ZNF268: variants seen among roughly 807,000 people sequenced by gnomAD.
The protein encoded by ZNF268 is zinc finger protein 3.
Under a neutral mutation model 29.3 loss-of-function variants are expected in ZNF268, and 20 were observed. The observed-to-expected ratio is 0.68, with a 90% CI of 0.48 to 0.99. The LOEUF (loss-of-function observed/expected upper bound fraction) is 0.99, where lower values mean the gene tolerates loss of function less well. Ranked by LOEUF, ZNF268 falls within the 50% of genes least tolerant of loss-of-function variation. The pLI, the probability that ZNF268 is intolerant of heterozygous loss-of-function variation, is 0.00. For missense variants in ZNF268, 1,240 were observed against 1,121.6 expected, an observed-to-expected ratio of 1.11 and a Z score of -1.51; for synonymous variants, 429 against 376.9, an observed-to-expected ratio of 1.14 and a Z score of -1.60.
Position 133,207,074 on chromosome 12 carries a change from CTTATTAT to C in ZNF268, c.*2548_*2554del, listed in dbSNP as rs759369767. The C allele has an allele frequency of 6.6e-6, 1 of 152,106 alleles. No individual in the cohort carries two copies. Among genetic ancestry groups the C allele is most frequent in the Admixed American group, 6.6e-5 (1 of 15,264 alleles). The allele number at this position is 152,106 out of a possible 1,614,324, so 9.4% of individuals were successfully genotyped here. A position where few individuals can be genotyped will look rare whatever the true frequency, so the allele number is the denominator to read the frequency against. ...GGGAAAGAATAATACTTGATTAGGA[CTTATTAT>C]TTAATGAAATGAAAATTTTACAAAA... On this transcript the variant is annotated 3_prime_UTR_variant, in exon 6 of 6. Transcript: ENST00000536435.
At chr12:133,194,803 G>A (rs1050547843) in intron 5 of ZNF268, among the ~76,000 whole-genome samples, 2 of 152,202 alleles carry the variant, frequency 1.3e-5, no homozygotes, top group African/African-American at 4.8e-5. Context: ...AAGAACCACT[G>A]GGTAAGCAGC....
intron 3 of ZNF268, among the ~76,000 whole-genome samples, chr12:133,190,439 C>T (rs867887529): frequency 6.6e-6 from 1 of 152,224 alleles, no homozygotes; most frequent in African/African-American, 2.4e-5. Flanking sequence ...GTTCCTATTG[C>T]TCCACATCCT....
intron 5 of ZNF268, chr12:133,193,370 G>A: frequency 1.8e-6 from 1 of 569,456 alleles, no homozygotes; most frequent in East Asian, 2.9e-5. Flanking sequence ...TTGTGTTGCT[G>A]TAATAAAATA....
At chr12:133,183,397 G>A (rs2135480237) in intron 2 of ZNF268, among the ~76,000 whole-genome samples, 1 of 152,024 alleles carries the variant, frequency 6.6e-6, no homozygotes, top group East Asian at 1.9e-4. Flanking sequence ...TTACTCGGGA[G>A]GCTGAGACAG....
rs1360032211 is a variant in ZNF268, at chr12:133,204,135, T to C, written c.2449T>C (p.Phe817Leu). ...PYECNECGKAFIWKSLLIVHE... is the reference protein window; with the variant it reads ...PYECNECGKALIWKSLLIVHE... The stretch of plus-strand genomic sequence containing the variant: ...TGAATGTAATGAATGTGGGAAAGCC[T>C]TCATTTGGAAATCACTACTCATTGT... Residue 817 changes from phenylalanine to leucine, a missense_variant, in exon 6 of 6, where the codon TTC becomes CTC. Transcript: ENST00000536435. The C allele has an allele frequency of 9.7e-6, 15 of 1,543,840 alleles. No individual in the cohort carries two copies. The East Asian group carries it at 3.2e-4, about 33-fold the overall frequency.
chr12:133,182,023 C>G lies in ZNF268; in HGVS notation c.26C>G (p.Ser9Cys), dbSNP rs1424987197. 1.3e-6 allele frequency: 2 copies of G among 1,563,904 alleles called. No individual in the cohort carries two copies. The highest frequency in any genetic ancestry group is 2.7e-5 in the African/African-American group (2 of 73,614). Residue 9 changes from serine to cysteine, a missense_variant, in exon 2 of 6, where the codon TCT becomes TGT. Physicochemically the swap from Ser to Cys is moderately radical, Grantham distance 112. This residue lies in a region of ZNF268 where 51 missense variants were observed against 51.4 expected (regional missense o/e 0.99). Coordinates refer to ENST00000536435, the MANE Select transcript of ZNF268 (RefSeq NM_003415.3). MATRVRTA[S>C]IWVPPLQERN... ...ATGGCCACCAGGGTCCGGACAGCTT[C>G]TATTTGGGTGAGTAGGGGTTTTCTT...
Position 133,203,953 on chromosome 12 carries a change from A to G in ZNF268, c.2267A>G (p.Glu756Gly). The G allele has an allele frequency of 6.3e-7, 1 of 1,594,460 alleles. No individual in the cohort carries two copies. Among genetic ancestry groups the G allele is most frequent in the Middle Eastern group, 1.7e-4 (1 of 6,046 alleles). Residue 756 changes from glutamate to glycine, a missense_variant, in exon 6 of 6, where the codon GAA becomes GGA. Physicochemically the swap from Glu to Gly is moderately conservative, Grantham distance 98 (BLOSUM62 -2). Transcript: ENST00000536435. ...HTGENPYECS[E>G]CGKAFNRKDQ... ...GGAGAAAATCCCTATGAATGCAGTG[A>G]ATGTGGGAAAGCCTTTAATAGGAAA...
rs376536420 is a variant in ZNF268 at position 133,191,497 on chromosome 12, G to C, written c.243G>C (p.Leu81Phe). ...QPKITKSWGP[L>F]SFMDVFVDFT... is the part of the protein sequence containing the mutation. The stretch of plus-strand genomic sequence containing the variant: ...AGCATATTGTATTTCAGGGACCTTT[G>C]TCATTCATGGATGTGTTTGTGGATT... The change falls in exon 4 of 6, where the codon TTG becomes TTC. Residue 81 changes from leucine (L) to phenylalanine (F), a missense_variant. By Grantham distance (22) the Leu-to-Phe change is conservative. Transcript: ENST00000536435. The C allele has an allele frequency of 1.9e-6, 3 of 1,613,810 alleles. No individual in the cohort carries two copies. Among genetic ancestry groups the C allele is most frequent in the Non-Finnish European group, 2.5e-6 (3 of 1,179,900 alleles).
chr12:133,197,784 G>T (rs930170710), intron 5 of ZNF268, among the ~76,000 whole-genome samples: 1 of 152,032 alleles, frequency 6.6e-6, no homozygotes, highest in African/African-American at 2.4e-5. Flanking sequence ...TTCTCTGATG[G>T]CCAGTGATGA....
At chr12:133,200,084 T>C (rs1407038479) in intron 5 of ZNF268, among the ~76,000 whole-genome samples, 3 of 152,166 alleles carry the variant, frequency 2.0e-5, no homozygotes, top group Non-Finnish European at 4.4e-5. Flanking sequence ...TGAATGTGTT[T>C]GCTCTTGCTT....
chr12:133,190,405 C>A (rs1956435754), intron 3 of ZNF268, among the ~76,000 whole-genome samples: 1 of 152,200 alleles, frequency 6.6e-6, no homozygotes, highest in Non-Finnish European at 1.5e-5. Context: ...TACCACTTTT[C>A]ATTCCCACCA....
intron 5 of ZNF268, chr12:133,193,607 A>T (rs572952757): frequency 3.7e-6 from 2 of 542,332 alleles, no homozygotes; most frequent in South Asian, 4.9e-5. Flanking sequence ...TTTAGAAACG[A>T]CTAATCCATT....
chr12:133,182,556 C>T (rs1956204186), intron 2 of ZNF268, among the ~76,000 whole-genome samples: 1 of 152,192 alleles, frequency 6.6e-6, no homozygotes, highest in African/African-American at 2.4e-5. Context: ...TGGAAATACA[C>T]GGAGACATGC....
rs1373555335 is a variant in ZNF268 at position 133,203,055 on chromosome 12, T to G, written c.1369T>G (p.Ser457Ala). Reference protein sequence around the residue: ...SDCGKAFTFKSQLIVHQGIHT... With the variant: ...SDCGKAFTFKAQLIVHQGIHT... ...TTGTGGAAAAGCCTTTACATTCAAG[T>G]CACAGCTCATTGTACATCAGGGGAT... Residue 457 changes from serine to alanine, a missense_variant, in exon 6 of 6, where the codon TCA becomes GCA. By Grantham distance (99) the Ser-to-Ala change is moderately conservative. Transcript: ENST00000536435. The G allele has an allele frequency of 6.5e-7, 1 of 1,538,830 alleles. No homozygotes were observed. The highest frequency in any genetic ancestry group is 8.7e-7 in the Non-Finnish European group (1 of 1,147,464).
rs1253249456 is a variant in ZNF268, at chr12:133,208,138, G to A, written c.*3608G>A. On this transcript the variant is annotated 3_prime_UTR_variant, in exon 6 of 6. Coordinates refer to ENST00000536435, the MANE Select transcript of ZNF268 (RefSeq NM_003415.3). ...GAGGCTGGAGGATTGCTGGAACCCAGGAGTTCGAGACAAGCCTGACCAATA... is the reference window on the plus strand; with the variant it reads ...GAGGCTGGAGGATTGCTGGAACCCAAGAGTTCGAGACAAGCCTGACCAATA... 6.6e-6 allele frequency: 1 copy of A among 152,140 alleles called. No individual in the cohort carries two copies. The highest frequency in any genetic ancestry group is 1.5e-5 in the Non-Finnish European group (1 of 68,022). 9.4% of individuals were successfully genotyped at this position (152,140 alleles called of 1,614,324 possible).
Position 133,206,131 on chromosome 12 carries a change from T to C in ZNF268, c.*1601T>C, listed in dbSNP as rs1227344309. On this transcript the variant is annotated 3_prime_UTR_variant, in exon 6 of 6. Coordinates refer to ENST00000536435, the MANE Select transcript of ZNF268 (RefSeq NM_003415.3). ...CATACAGCTTACTAAATCAGATGGC[T>C]TCAGAAATGGGTGGTAGAGGAGTAG... 6.6e-6 allele frequency: 1 copy of C among 152,212 alleles called. No individual in the cohort carries two copies. The highest frequency in any genetic ancestry group is 1.5e-5 in the Non-Finnish European group (1 of 68,034). 9.4% of individuals were successfully genotyped at this position (152,212 alleles called of 1,614,324 possible).
intron 5 of ZNF268, chr12:133,193,476 C>T (rs959587166): frequency 1.4e-6 from 1 of 698,560 alleles, no homozygotes; most frequent in Non-Finnish European, 2.6e-6. Flanking sequence ...GGTTTGGTGT[C>T]TGGTGAGGGC....
chr12:133,207,109 GA>G lies in ZNF268; in HGVS notation c.*2582del, dbSNP rs1956911841. ...AATGAAATGAAAATTTTACAAAACA[GA>G]AATTGAGTTACTGGTTTGTAAATCT... On this transcript the variant is annotated 3_prime_UTR_variant, in exon 6 of 6. Transcript: ENST00000536435. The G allele has an allele frequency of 1.3e-5, 2 of 152,126 alleles. No individual in the cohort carries two copies. The highest frequency in any genetic ancestry group is 2.4e-5 in the African/African-American group (1 of 41,416). The allele number at this position is 152,126 out of a possible 1,614,324, so 9.4% of individuals were successfully genotyped here.
At chr12:133,200,728 T>G (rs1474478181) in intron 5 of ZNF268, among the ~76,000 whole-genome samples, 2 of 152,150 alleles carry the variant, frequency 1.3e-5, no homozygotes, top group Non-Finnish European at 2.9e-5. Context: ...GCTGTTTGCC[T>G]ACCCTGTGCC....
Sources: allele counts gnomAD v4.1 joint callset (sites outside exome capture counted in the v4.1 genomes callset), GRCh38; gene constraint gnomAD v4.1.1; regional missense constraint gnomAD v4.1.1; transcripts MANE v1.5; gene names NCBI Gene and HGNC (gene_info 2026-07-23, HGNC 2026-07-21).